The following PTPRG variants were observed in gnomAD, a reference collection of about 807,000 sequenced individuals.
PTPRG encodes protein tyrosine phosphatase receptor type G.
In PTPRG, 102 loss-of-function variants were observed where a neutral mutation model predicts 165.3. That is an observed-to-expected ratio of 0.62 (90% CI 0.53 to 0.73). The LOEUF (loss-of-function observed/expected upper bound fraction) is 0.73. Among genes scored for constraint, PTPRG ranks in the 30% least tolerant of loss-of-function variants. The pLI is 0.00. For missense variants in PTPRG, 1,866 were observed against 1,861.4 expected, an observed-to-expected ratio of 1.00 and a Z score of -0.05; for synonymous variants, 675 against 669.5, an observed-to-expected ratio of 1.01 and a Z score of -0.13.
intron 1 of PTPRG, among the ~76,000 whole-genome samples, chr3:61,587,499 CT>C (rs1422981673): frequency 6.6e-6 from 1 of 152,016 alleles, no homozygotes; most frequent in East Asian, 1.9e-4. Context: ...AAAACAGGGA[CT>C]TTCTCTTGCT....
At chr3:61,580,711 G>A (rs1379393400) in intron 1 of PTPRG, among the ~76,000 whole-genome samples, 2 of 152,026 alleles carry the variant, frequency 1.3e-5, no homozygotes, top group Non-Finnish European at 2.9e-5. Context: ...AAAAGTAAGG[G>A]AAAAAAACCT....
At chr3:61,754,515 C>G (rs1250593483) in intron 2 of PTPRG, among the ~76,000 whole-genome samples, 2 of 152,158 alleles carry the variant, frequency 1.3e-5, no homozygotes, top group Admixed American at 1.3e-4. Flanking sequence ...CTTATAATTC[C>G]TTGTTTCTCC....
chr3:61,612,859 T>TTGTGTGTG (rs57134478), intron 1 of PTPRG, among the ~76,000 whole-genome samples: 4 of 150,448 alleles, frequency 2.7e-5, no homozygotes, highest in African/African-American at 9.8e-5. Context: ...TGGAATTAAT[T>TTGTGTGTG]TGTGTGTGTG....
intron 2 of PTPRG, among the ~76,000 whole-genome samples, chr3:61,786,560 G>C (rs769597346): frequency 6.6e-6 from 1 of 152,166 alleles, no homozygotes; most frequent in South Asian, 2.1e-4. Context: ...TCAACGTAGC[G>C]AAGAGTTAGA....
At chr3:61,689,242 A>G (rs2029990489) in intron 1 of PTPRG, among the ~76,000 whole-genome samples, 1 of 152,234 alleles carries the variant, frequency 6.6e-6, no homozygotes, top group Non-Finnish European at 1.5e-5. Flanking sequence ...CCTGTTTTGG[A>G]GAGTGATTCC....
chr3:61,801,209 T>C (rs536495754), intron 2 of PTPRG, among the ~76,000 whole-genome samples: 22 of 152,210 alleles, frequency 1.4e-4, no homozygotes, highest in South Asian at 4.1e-4. Flanking sequence ...CATATTTTCA[T>C]GATTACCCCC....
At chr3:61,625,637 C>T (rs1701588019) in intron 1 of PTPRG, among the ~76,000 whole-genome samples, 1 of 152,112 alleles carries the variant, frequency 6.6e-6, no homozygotes, top group Non-Finnish European at 1.5e-5. Context: ...CATAGTCATA[C>T]ACGTCATGGG....
chr3:62,134,409 G>T (rs1248704059), intron 6 of PTPRG, among the ~76,000 whole-genome samples: 1 of 152,228 alleles, frequency 6.6e-6, no homozygotes, highest in African/African-American at 2.4e-5. Context: ...GGGAAGTGAA[G>T]TGCTGCCTTC....
At chr3:61,637,547 C>A (rs1189285088) in intron 1 of PTPRG, among the ~76,000 whole-genome samples, 1 of 152,166 alleles carries the variant, frequency 6.6e-6, no homozygotes, top group Non-Finnish European at 1.5e-5. Context: ...GCAGATCAAG[C>A]AGAACGCTTT....
intron 2 of PTPRG, among the ~76,000 whole-genome samples, chr3:61,973,517 G>C (rs753101403): frequency 6.6e-6 from 1 of 151,240 alleles, no homozygotes; most frequent in African/African-American, 2.5e-5. Context: ...TTGCCAAATA[G>C]GACTCTTCAT....
In PTPRG at chr3:62,233,121, T is replaced by C. The variant is rs1700943758; in HGVS notation, c.2375+1810T>C. Among the ~76,000 whole-genome samples, 1 of 152,144 alleles carries C rather than the reference T, an allele frequency of 6.6e-6. No homozygotes were observed. Among genetic ancestry groups the C allele is most frequent in the Admixed American group, 6.5e-5 (1 of 15,268 alleles). On this transcript the variant is annotated intron_variant, in intron 14 of 29. Transcript: ENST00000474889. This position sits in a 1 kb window ranked among gnomAD's most constrained non-coding sequence, Gnocchi z 4.7. ...TGAGGAAATTCAGGCTCTGAGAAGT[T>C]GTCACTTGGCTAAGCCACCCTGCCT...
intron 2 of PTPRG, among the ~76,000 whole-genome samples, chr3:61,866,335 A>G (rs1258211052): frequency 6.6e-6 from 1 of 152,068 alleles, no homozygotes; most frequent in Admixed American, 6.6e-5. Context: ...CGTGACCATG[A>G]TCATTTTCTC....
rs182174275 is a variant in PTPRG, at chr3:62,215,172, T to G, written c.2156-3679T>G. 2.9e-3 allele frequency among the ~76,000 whole-genome samples: 436 copies of G among 152,302 alleles called. 3 individuals are homozygous for G. Among genetic ancestry groups the G allele is most frequent in the African/African-American group, 0.01 (420 of 41,566 alleles). ...TTGCTTTCCCCACTCAGGGGTATCC[T>G]GAGGGCTATGAGGAGCTACTTAGGA... On this transcript the variant is annotated intron_variant, in intron 12 of 29. Coordinates refer to ENST00000474889, the MANE Select transcript of PTPRG (RefSeq NM_002841.4).
At chr3:61,858,779 A>G (rs1360440552) in intron 2 of PTPRG, among the ~76,000 whole-genome samples, 1 of 152,194 alleles carries the variant, frequency 6.6e-6, no homozygotes, top group Non-Finnish European at 1.5e-5. Context: ...ACTTTTAATT[A>G]TGATGCCTCA....
chr3:62,203,673 A>G lies in PTPRG; in HGVS notation c.1878A>G (p.Thr626=), dbSNP rs1343931422. ...EERNQTEPSP[T]PSSPNRTAEG... Reference sequence around the variant, plus strand: ...GGAATCAGACGGAGCCCAGCCCCACACCCTCGTCTCCTAACAGGACTGCCG... The same window carrying G: ...GGAATCAGACGGAGCCCAGCCCCACGCCCTCGTCTCCTAACAGGACTGCCG... The change falls in exon 12 of 30, where the codon ACA becomes ACG. Residue 626 remains threonine, a synonymous_variant. Transcript: ENST00000474889. The surrounding 1 kb of genome is among the most constrained non-coding windows in gnomAD (Gnocchi z 6.4). The G allele has an allele frequency of 6.4e-7, 1 of 1,565,582 alleles. No individual in the cohort carries two copies.
At chr3:61,610,913 T>G (rs2106872609) in intron 1 of PTPRG, among the ~76,000 whole-genome samples, 1 of 152,164 alleles carries the variant, frequency 6.6e-6, no homozygotes, top group Non-Finnish European at 1.5e-5. Flanking sequence ...TTCAAGTGAT[T>G]CTCCTGCCTC....
intron 1 of PTPRG, among the ~76,000 whole-genome samples, chr3:61,668,267 T>G (rs1232408785): frequency 6.6e-6 from 1 of 152,202 alleles, no homozygotes; most frequent in African/African-American, 2.4e-5. Context: ...GGTGCCATTC[T>G]CCAGTGTTAT....
chr3:61,622,451 A>G (rs1371146484), intron 1 of PTPRG, among the ~76,000 whole-genome samples: 1 of 151,258 alleles, frequency 6.6e-6, no homozygotes, highest in Non-Finnish European at 1.5e-5. Flanking sequence ...TTTTTTTGCT[A>G]TTATTTTTAA....
chr3:62,166,455 G>T (rs13062830), intron 7 of PTPRG, among the ~76,000 whole-genome samples: 157 of 151,340 alleles, frequency 1.0e-3, no homozygotes, highest in Middle Eastern at 3.4e-3. Context: ...TCATGCCTCA[G>T]CCTCCCGAGT....
Sources: allele counts gnomAD v4.1 joint callset (sites outside exome capture counted in the v4.1 genomes callset), GRCh38; gene constraint gnomAD v4.1.1; non-coding constraint Gnocchi (gnomAD v3.1); transcripts MANE v1.5; gene names NCBI Gene and HGNC (gene_info 2026-07-23, HGNC 2026-07-21).